Variants in DMGDH observed in about 807,000 individuals in gnomAD.
DMGDH encodes the protein dimethylglycine dehydrogenase, mitochondrial.
DMGDH carries 76 observed loss-of-function variants against 95.2 expected under a neutral mutation model. The ratio of observed to expected loss-of-function variants is 0.80; its 90% CI spans 0.66 to 0.97. DMGDH has a LOEUF of 0.97. Ranked by LOEUF, DMGDH falls within the 50% of genes least tolerant of loss-of-function variation. The probability of loss-of-function intolerance (pLI) is 0.00; values close to 1 mark genes in which losing one functional copy is unlikely to be tolerated. For missense variants in DMGDH, 987 were observed against 1,055.0 expected, an observed-to-expected ratio of 0.94 and a Z score of 0.89; for synonymous variants, 345 against 377.6, an observed-to-expected ratio of 0.91 and a Z score of 1.00.
chr5:79,030,034 C>A lies in DMGDH; in HGVS notation c.1684G>T (p.Val562Leu), dbSNP rs1204599094. The change falls in exon 11 of 16, where the codon GTG becomes TTG. Residue 562 changes from valine to leucine, a missense_variant and splice_region_variant. Transcript: ENST00000255189. ...DHLFANVIPK[V>L]GFTNISHMLT... ...ATGTGACTTATATTTGTAAAACCCA[C>A]CTACATAAAAAAATTAAAAATTACC... The A allele has an allele frequency of 5.6e-6, 9 of 1,611,052 alleles. No individual in the cohort carries two copies. The African/African-American group carries it at 6.7e-5, about 12-fold the overall frequency.
chr5:78,998,588 G>C (rs1753399382), intron 15 of DMGDH, among the ~76,000 whole-genome samples: 2 of 152,198 alleles, frequency 1.3e-5, no homozygotes, highest in South Asian at 4.1e-4. Context: ...GGTGGCTCGT[G>C]CCTGTAATCC....
At chr5:79,066,612 T>C (rs1755391370) in intron 1 of DMGDH, among the ~76,000 whole-genome samples, 1 of 152,140 alleles carries the variant, frequency 6.6e-6, no homozygotes, top group Non-Finnish European at 1.5e-5. Flanking sequence ...CCAGTTATTT[T>C]ATAGAACAGT....
At chr5:79,051,514 A>G in intron 4 of DMGDH, 23 bp from the exon 5 acceptor site, 1 of 1,583,800 alleles carries the variant, frequency 6.3e-7, no homozygotes, top group South Asian at 1.1e-5. Context: ...TACCAGAGTC[A>G]ATACTCAAAT....
chr5:79,054,386 C>T (rs1580225355), intron 3 of DMGDH, 38 bp from the exon 4 acceptor site: 3 of 1,606,094 alleles, frequency 1.9e-6, no homozygotes, highest in African/African-American at 1.3e-5. Flanking sequence ...ATAAATAAGT[C>T]ATTGTTTGGT....
chr5:79,061,950 G>A lies in DMGDH; in HGVS notation c.276+1663C>T, dbSNP rs1755221759. ...AATAATAGTAATAAAATCCAATGCAGGTCACATTAAATCAGTATATAAGTG... is the reference window on the plus strand; with the variant it reads ...AATAATAGTAATAAAATCCAATGCAAGTCACATTAAATCAGTATATAAGTG... On this transcript the variant is annotated intron_variant, in intron 2 of 15. Coordinates refer to ENST00000255189, the MANE Select transcript of DMGDH (RefSeq NM_013391.3). 2.0e-5 allele frequency among the ~76,000 whole-genome samples: 3 copies of A among 152,076 alleles called. 1 individual carries two copies. In the East Asian group the frequency reaches 5.8e-4, roughly 29 times the overall value.
intron 4 of DMGDH, among the ~76,000 whole-genome samples, chr5:79,053,192 G>T (rs1003446091): frequency 6.6e-6 from 1 of 151,982 alleles, no homozygotes; most frequent in Admixed American, 6.6e-5. Context: ...TCACTTCGTT[G>T]CTCAGGCTGG....
At chr5:79,062,378 T>C (rs979779325) in intron 2 of DMGDH, among the ~76,000 whole-genome samples, 6 of 150,266 alleles carry the variant, frequency 4.0e-5, no homozygotes, top group African/African-American at 1.5e-4. Context: ...GGCAATCCTT[T>C]TCATGCTAGA....
intron 7 of DMGDH, among the ~76,000 whole-genome samples, chr5:79,035,019 T>C (rs965329367): frequency 3.9e-5 from 5 of 127,950 alleles, no homozygotes; most frequent in Non-Finnish European, 7.7e-5. Flanking sequence ...ATCGCGCCAC[T>C]GCACTCCAAC....
chr5:79,004,607 A>C (rs1032431160), intron 15 of DMGDH, among the ~76,000 whole-genome samples: 1 of 152,236 alleles, frequency 6.6e-6, no homozygotes. Context: ...TGGGTTTTAC[A>C]AATAGTAATA....
chr5:79,030,265 T>C (rs765716887), intron 10 of DMGDH, among the ~76,000 whole-genome samples: 13 of 152,218 alleles, frequency 8.5e-5, no homozygotes, highest in Non-Finnish European at 1.3e-4. Flanking sequence ...TTCATTTAAC[T>C]GCAGAACTCA....
chr5:79,063,680 T>C lies in DMGDH; in HGVS notation c.209A>G (p.Lys70Arg). 1 of 1,614,206 alleles carries C rather than the reference T, an allele frequency of 6.2e-7. No individual in the cohort carries two copies. The highest frequency in any genetic ancestry group is 8.5e-7 in the Non-Finnish European group (1 of 1,180,040). Reference sequence around the variant, plus strand: ...CAGGACCACATCTTTCATCCCTGCTTTGGCCAGGTGATAAGCCAGACTCAC... The same window carrying C: ...CAGGACCACATCTTTCATCCCTGCTCTGGCCAGGTGATAAGCCAGACTCAC... The part of the protein sequence containing the change: ...VGVSLAYHLA[K>R]AGMKDVVLLE... The change falls in exon 2 of 16, where the codon AAA becomes AGA. Residue 70 changes from lysine (K) to arginine (R), a missense_variant. By Grantham distance (26) the Lys-to-Arg change is conservative. Transcript: ENST00000255189.
At chr5:79,006,859 T>C (rs1753558178) in intron 14 of DMGDH, among the ~76,000 whole-genome samples, 1 of 103,838 alleles carries the variant, frequency 9.6e-6, no homozygotes, top group African/African-American at 3.4e-5. Flanking sequence ...CCCCAGTCCA[T>C]TCCTTTCCTA....
intron 12 of DMGDH, among the ~76,000 whole-genome samples, chr5:79,028,139 C>T (rs1754051416): frequency 7.5e-6 from 1 of 134,066 alleles, no homozygotes; most frequent in Non-Finnish European, 1.6e-5. Context: ...TGCACCCAGC[C>T]CCCACTTTTT....
chr5:79,015,521 A>C (rs1036209765), intron 14 of DMGDH, among the ~76,000 whole-genome samples: 10 of 152,322 alleles, frequency 6.6e-5, no homozygotes, highest in African/African-American at 2.4e-4. Flanking sequence ...GGACTTTTCA[A>C]GTATCATCTT....
At chr5:79,003,573 G>T (rs1357968613) in intron 15 of DMGDH, among the ~76,000 whole-genome samples, 1 of 152,218 alleles carries the variant, frequency 6.6e-6, no homozygotes, top group Non-Finnish European at 1.5e-5. Context: ...GAAGGCACTT[G>T]AGATCTGAGA....
intron 2 of DMGDH, 134 bp from the exon 3 acceptor site, chr5:79,056,042 A>G (rs1755023211): frequency 1.5e-6 from 1 of 671,010 alleles, no homozygotes; most frequent in African/African-American, 1.8e-5. Flanking sequence ...GGATGAGAAC[A>G]CATCAGCACC....
At chr5:79,013,800 T>C (rs1753685465) in intron 14 of DMGDH, among the ~76,000 whole-genome samples, 2 of 152,066 alleles carry the variant, frequency 1.3e-5, no homozygotes, top group Admixed American at 6.6e-5. Context: ...AGGGAGGTGC[T>C]ACATACTTTT....
chr5:79,042,218 T>C, intron 7 of DMGDH, 65 bp downstream of exon 7: 2 of 1,457,178 alleles, frequency 1.4e-6, no homozygotes, highest in South Asian at 1.2e-5. Flanking sequence ...CCTGAGAATA[T>C]GGAACTAGAT....
In DMGDH at chr5:79,046,324, A is replaced by ATT. The variant is rs370409115; in HGVS notation, c.746-1773_746-1772insAA. Among the ~76,000 whole-genome samples, 663 of 152,088 alleles carry ATT rather than the reference A, an allele frequency of 4.4e-3. 6 individuals carry two copies. The highest frequency in any genetic ancestry group is 0.015 in the African/African-American group (638 of 41,476). ...GATCTTGAACTCCTGACCTCAGGTA[A>ATT]TCCGCTGCCTGGGGCTCCCAAAGTG... On this transcript the variant is annotated intron_variant, in intron 5 of 15. Coordinates refer to ENST00000255189, the MANE Select transcript of DMGDH (RefSeq NM_013391.3).
Sources: gnomAD v4.1 joint callset for allele counts (sites outside exome capture counted in the v4.1 genomes callset) on GRCh38, gnomAD v4.1.1 for gene constraint, MANE v1.5 for transcripts, NCBI Gene and HGNC (gene_info 2026-07-23, HGNC 2026-07-21) for gene names.